The following NRXN3 variants were observed in gnomAD, a reference collection of about 807,000 sequenced individuals.
NRXN3 encodes neurexin III.
In NRXN3, 32 loss-of-function variants were observed where a neutral mutation model predicts 137.6. The ratio of observed to expected loss-of-function variants is 0.23; its 90% CI spans 0.18 to 0.31. NRXN3 has a LOEUF of 0.31. Among genes scored for constraint, NRXN3 ranks in the 10% least tolerant of loss-of-function variants. The probability of loss-of-function intolerance (pLI) is 1.00; values close to 1 mark genes in which losing one functional copy is unlikely to be tolerated. For synonymous variants in NRXN3, 798 were observed against 784.5 expected (o/e 1.02, Z -0.29); for missense variants, 1,574 against 2,062.5 (o/e 0.76, Z 4.59).
chr14:78,752,999 T>C (rs1182635584), intron 8 of NRXN3, among the ~76,000 whole-genome samples: 2 of 152,184 alleles, frequency 1.3e-5, no homozygotes, highest in African/African-American at 4.8e-5. Flanking sequence ...GTGTACACAC[T>C]CTGCTGCTTC....
intron 17 of NRXN3, among the ~76,000 whole-genome samples, chr14:79,671,079 C>T (rs920095626): frequency 2.0e-5 from 3 of 152,122 alleles, no homozygotes; most frequent in Non-Finnish European, 2.9e-5. Flanking sequence ...TGCCATTTGC[C>T]GAACATTTAT....
chr14:78,529,230 T>C (rs957834848), intron 4 of NRXN3, among the ~76,000 whole-genome samples: 3 of 152,190 alleles, frequency 2.0e-5, no homozygotes, highest in Non-Finnish European at 2.9e-5. Flanking sequence ...TAGAAATAGC[T>C]GCAAGTTGCA....
At chr14:78,896,198 C>G (rs2099174077) in intron 10 of NRXN3, among the ~76,000 whole-genome samples, 1 of 151,832 alleles carries the variant, frequency 6.6e-6, no homozygotes, top group Admixed American at 6.6e-5. Context: ...AGGTTTCTCT[C>G]CTATTCTTTG....
chr14:79,827,408 G>A (rs1043440637), intron 20 of NRXN3, among the ~76,000 whole-genome samples: 12 of 152,188 alleles, frequency 7.9e-5, no homozygotes, highest in African/African-American at 2.9e-4. Context: ...ATTTCTGGGA[G>A]AGAGTTATCT....
At chr14:78,946,053 A>G (rs1046945520) in intron 10 of NRXN3, among the ~76,000 whole-genome samples, 4 of 152,268 alleles carry the variant, frequency 2.6e-5, no homozygotes, top group African/African-American at 9.6e-5. Context: ...GTAGGAAAAG[A>G]CAGCAAATAT....
At chr14:79,420,787 G>T (rs562582187) in intron 15 of NRXN3, among the ~76,000 whole-genome samples, 14 of 152,230 alleles carry the variant, frequency 9.2e-5, no homozygotes, top group Admixed American at 1.3e-4. Flanking sequence ...AGTTATAAAA[G>T]GATGGCCATC....
intron 15 of NRXN3, among the ~76,000 whole-genome samples, chr14:79,453,906 C>T (rs567320978): frequency 9.1e-4 from 138 of 152,218 alleles, no homozygotes; most frequent in South Asian, 1.7e-3. Flanking sequence ...TTTCATCTCT[C>T]GTGTCTGGGG....
chr14:79,182,199 G>A (rs981736167), intron 15 of NRXN3, among the ~76,000 whole-genome samples: 3 of 151,960 alleles, frequency 2.0e-5, no homozygotes, highest in African/African-American at 7.3e-5. Flanking sequence ...CAACCTTTTG[G>A]CACCAGGGAC....
At chr14:79,157,089 T>A in intron 15 of NRXN3, among the ~76,000 whole-genome samples, 1 of 151,834 alleles carries the variant, frequency 6.6e-6, no homozygotes, top group Non-Finnish European at 1.5e-5. Context: ...CTGCCATTGT[T>A]GCTGGTGGTC....
intron 19 of NRXN3, among the ~76,000 whole-genome samples, chr14:79,753,683 C>T (rs527844676): frequency 1.3e-5 from 2 of 151,658 alleles, no homozygotes; most frequent in African/African-American, 2.4e-5. Flanking sequence ...AACTAACCTG[C>T]ACATTGTGCA....
chr14:79,428,088 C>A (rs1466565070), intron 15 of NRXN3, among the ~76,000 whole-genome samples: 1 of 152,012 alleles, frequency 6.6e-6, no homozygotes, highest in African/African-American at 2.4e-5. Context: ...ACTGGGAGTA[C>A]CTGACTCTGA....
At chr14:79,016,386 A>G (rs2099579294) in intron 15 of NRXN3, among the ~76,000 whole-genome samples, 1 of 152,222 alleles carries the variant, frequency 6.6e-6, no homozygotes, top group African/African-American at 2.4e-5. Flanking sequence ...CATCTTGTGC[A>G]AGGGAAATCG....
chr14:79,508,577 A>C (rs1379590008), intron 16 of NRXN3, among the ~76,000 whole-genome samples: 3 of 150,956 alleles, frequency 2.0e-5, no homozygotes, highest in Non-Finnish European at 4.4e-5. Context: ...TTTTTAGTAG[A>C]GATGGGGTTT....
intron 17 of NRXN3, among the ~76,000 whole-genome samples, chr14:79,671,927 G>A (rs2098609901): frequency 6.6e-6 from 1 of 151,650 alleles, no homozygotes; most frequent in African/African-American, 2.4e-5. Flanking sequence ...ATGGACACAG[G>A]GCACATAGAA....
intron 4 of NRXN3, among the ~76,000 whole-genome samples, chr14:78,389,335 C>T (rs532608046): frequency 1.2e-4 from 18 of 152,200 alleles, no homozygotes; most frequent in African/African-American, 4.1e-4. Context: ...GGATTACAGA[C>T]GTGAGTCACC....
At chr14:78,877,770 A>T (rs2099117305) in intron 10 of NRXN3, among the ~76,000 whole-genome samples, 1 of 152,242 alleles carries the variant, frequency 6.6e-6, no homozygotes, top group Non-Finnish European at 1.5e-5. Context: ...TTAGAAATTA[A>T]TTAAAAATGA....
chr14:79,170,579 G>A (rs1173356264), intron 15 of NRXN3, among the ~76,000 whole-genome samples: 7 of 152,074 alleles, frequency 4.6e-5, no homozygotes, highest in African/African-American at 9.7e-5. Context: ...ACTGAATAAC[G>A]TGGGCAAAAG....
rs2099340302 is a variant in NRXN3 at position 78,936,669 on chromosome 14, T to A, written c.2276-20573T>A. ...AATTGTACACCTTAAATATGTGCAGTGTATCATGTGTCCATTATACTTCAA... is the reference window on the plus strand; with the variant it reads ...AATTGTACACCTTAAATATGTGCAGAGTATCATGTGTCCATTATACTTCAA... On this transcript the variant is annotated intron_variant, in intron 10 of 20. Coordinates refer to ENST00000335750, the MANE Select transcript of NRXN3 (RefSeq NM_001330195.2). Among the ~76,000 whole-genome samples, 6 of 152,304 alleles carry A rather than the reference T, an allele frequency of 3.9e-5. No individual in the cohort carries two copies. In the South Asian group the frequency reaches 1.2e-3, roughly 32 times the overall value.
intron 15 of NRXN3, among the ~76,000 whole-genome samples, chr14:79,221,453 G>A (rs2153233144): frequency 6.6e-6 from 1 of 152,208 alleles, no homozygotes; most frequent in Middle Eastern, 3.4e-3. Context: ...ATTCTAACTG[G>A]CGTGAGATGG....
Sources: gnomAD v4.1 joint callset for allele counts (sites outside exome capture counted in the v4.1 genomes callset) on GRCh38, gnomAD v4.1.1 for gene constraint, MANE v1.5 for transcripts, NCBI Gene and HGNC (gene_info 2026-07-23, HGNC 2026-07-21) for gene names.